Variants in AHCYL1 observed in about 807,000 individuals in gnomAD.
AHCYL1 encodes adenosylhomocysteinase like 1.
A neutral mutation model predicts 79.3 loss-of-function variants in AHCYL1; 20 were observed. That is an observed-to-expected ratio of 0.25 (90% CI 0.18 to 0.37). The LOEUF is 0.37. Among genes scored for constraint, AHCYL1 ranks in the 10% least tolerant of loss-of-function variants. The pLI is 1.00. For synonymous variants in AHCYL1, 223 were observed against 242.2 expected (o/e 0.92, Z 0.74); for missense variants, 330 against 673.6 (o/e 0.49, Z 5.65).
rs751525776 is a variant in AHCYL1, at chr1:110,011,361, A to G, written c.376+4A>G. Reference sequence around the variant, plus strand: ...GAGATTGAGATTGCAGAGCAAGGTAAAGAAAGGGAGTGGGTTAGGGGACCA... The same window carrying G: ...GAGATTGAGATTGCAGAGCAAGGTAGAGAAAGGGAGTGGGTTAGGGGACCA... On this transcript the variant is annotated splice_donor_region_variant and intron_variant, in intron 3 of 16. Coordinates refer to ENST00000369799, the MANE Select transcript of AHCYL1 (RefSeq NM_006621.7). 2.8e-5 allele frequency: 45 copies of G among 1,613,842 alleles called. No individual in the cohort carries two copies. The highest frequency in any genetic ancestry group is 3.6e-5 in the Non-Finnish European group (43 of 1,179,916).
intron 14 of AHCYL1, 49 bp from the exon 15 acceptor site, chr1:110,019,499 C>T: frequency 6.6e-7 from 1 of 1,508,628 alleles, no homozygotes; most frequent in South Asian, 1.2e-5. Flanking sequence ...TTTTATGTGC[C>T]TGTCTAAGAA....
Position 110,018,945 on chromosome 1 carries a change from C to T in AHCYL1, c.1318-106C>T, listed in dbSNP as rs1033065434. ...TCTGGAACTGTAATTCTTCCTCTTC[C>T]AACTGAGTCTAGAGGGGTGTAAAGT... is the stretch of plus-strand genomic sequence containing the variant. On this transcript the variant is annotated intron_variant, in intron 13 of 16. Transcript: ENST00000369799. 11 of 1,045,402 alleles carry T rather than the reference C, an allele frequency of 1.1e-5. No homozygotes were observed. The African/African-American group carries it at 1.6e-4, about 15-fold the overall frequency. 64.8% of individuals were successfully genotyped at this position (1,045,402 alleles called of 1,614,324 possible). A position where few individuals can be genotyped will look rare whatever the true frequency, so the allele number is the denominator to read the frequency against.
chr1:109,985,378 A>C, intron 1 of AHCYL1: 7 of 1,309,698 alleles, frequency 5.3e-6, no homozygotes, highest in Non-Finnish European at 6.8e-6. Context: ...CCTCGGCCCA[A>C]GTCCTCCGGG....
intron 1 of AHCYL1, among the ~76,000 whole-genome samples, chr1:110,008,255 C>T (rs944718521): frequency 4.6e-5 from 7 of 152,166 alleles, no homozygotes; most frequent in African/African-American, 1.2e-4. Context: ...CTCCTGACCT[C>T]GTGATCTACC....
At chr1:110,007,064 A>C (rs1650699943) in intron 1 of AHCYL1, among the ~76,000 whole-genome samples, 1 of 152,086 alleles carries the variant, frequency 6.6e-6, no homozygotes, top group South Asian at 2.1e-4. Flanking sequence ...GGAAATTATG[A>C]CTATTCGGTT....
rs536442460 is a variant in AHCYL1, at chr1:109,984,998, A to T, written c.-55A>T. The T allele has an allele frequency of 7.0e-7, 1 of 1,435,990 alleles. No individual in the cohort carries two copies. Among genetic ancestry groups the T allele is most frequent in the Non-Finnish European group, 9.2e-7 (1 of 1,091,110 alleles). 89.0% of individuals were successfully genotyped at this position (1,435,990 alleles called of 1,614,324 possible). On this transcript the variant is annotated 5_prime_UTR_variant, in exon 1 of 17. Coordinates refer to ENST00000369799, the MANE Select transcript of AHCYL1 (RefSeq NM_006621.7). Reference sequence around the variant, plus strand: ...CCGCGCGGGCAGGCGGGCGGGCGCCAGAGGGGGAAAGAGGCGGGGGCGGCG... The same window carrying T: ...CCGCGCGGGCAGGCGGGCGGGCGCCTGAGGGGGAAAGAGGCGGGGGCGGCG...
At chr1:110,004,323 G>A (rs1650513287) in intron 1 of AHCYL1, 8 of 985,436 alleles carry the variant, frequency 8.1e-6, no homozygotes, top group Non-Finnish European at 8.4e-6. Flanking sequence ...AAGGAGAGCC[G>A]GGAGCAGCCA....
rs1435017288 is a variant in AHCYL1, at chr1:110,011,207, G to T, written c.233-7G>T. On this transcript the variant is annotated splice_polypyrimidine_tract_variant and splice_region_variant and intron_variant, in intron 2 of 16. Transcript: ENST00000369799. ...TCTATCCTTGTTTTTTTCTTTCCTG[G>T]CTCTAGCTGCATCCTACACAGATAG... The T allele has an allele frequency of 8.1e-6, 13 of 1,609,750 alleles. No homozygotes were observed. The highest frequency in any genetic ancestry group is 3.4e-5 in the Admixed American group (2 of 58,678).
intron 1 of AHCYL1, among the ~76,000 whole-genome samples, chr1:110,002,598 G>T (rs915891334): frequency 3.9e-5 from 6 of 152,172 alleles, no homozygotes; most frequent in Non-Finnish European, 8.8e-5. Context: ...CAATATAATT[G>T]GTTCAGGCAA....
chr1:109,990,991 A>G (rs1207816917), intron 1 of AHCYL1, among the ~76,000 whole-genome samples: 1 of 152,118 alleles, frequency 6.6e-6, no homozygotes, highest in Non-Finnish European at 1.5e-5. Flanking sequence ...CTAATTATGT[A>G]TAACTGATTT....
chr1:110,014,961 C>T, intron 6 of AHCYL1, 104 bp downstream of exon 6: 1 of 1,075,922 alleles, frequency 9.3e-7, no homozygotes, highest in Non-Finnish European at 1.4e-6. Flanking sequence ...GTCTTATGCA[C>T]TGACTTTGTT....
intron 1 of AHCYL1, among the ~76,000 whole-genome samples, chr1:110,004,869 A>T (rs80338501): frequency 0.072 from 11,026 of 152,316 alleles, 1,161 homozygotes; most frequent in African/African-American, 0.23. Flanking sequence ...GAAAAAATAA[A>T]TTAACCAGAA....
At chr1:109,996,601 G>A (rs191126092) in intron 1 of AHCYL1, among the ~76,000 whole-genome samples, 3 of 152,324 alleles carry the variant, frequency 2.0e-5, no homozygotes, top group African/African-American at 7.2e-5. Context: ...TAACAAGGGG[G>A]ATACATTCTG....
intron 1 of AHCYL1, chr1:110,003,817 C>G (rs1030779375): frequency 8.9e-6 from 5 of 559,424 alleles, no homozygotes; most frequent in Non-Finnish European, 1.1e-5. Flanking sequence ...TTGGGAAGCC[C>G]TTTTCTGTCC....
intron 1 of AHCYL1, among the ~76,000 whole-genome samples, chr1:109,996,520 C>T (rs1221512679): frequency 6.6e-6 from 1 of 152,198 alleles, no homozygotes; most frequent in Non-Finnish European, 1.5e-5. Context: ...TGGTTCTTAA[C>T]CATTGGGGGT....
At position 110,011,203 on chromosome 1, in the gene AHCYL1, C is replaced by G. The variant is rs1420314941; in HGVS notation, c.233-11C>G. ...TTTTTCTATCCTTGTTTTTTTCTTT[C>G]CTGGCTCTAGCTGCATCCTACACAG... On this transcript the variant is annotated splice_polypyrimidine_tract_variant and intron_variant, in intron 2 of 16. Coordinates refer to ENST00000369799, the MANE Select transcript of AHCYL1 (RefSeq NM_006621.7). 6.2e-7 allele frequency: 1 copy of G among 1,606,904 alleles called. No individual in the cohort carries two copies. The highest frequency in any genetic ancestry group is 8.5e-7 in the Non-Finnish European group (1 of 1,177,890).
chr1:110,021,102 G>T (rs1651766071), intron 16 of AHCYL1, among the ~76,000 whole-genome samples: 1 of 152,200 alleles, frequency 6.6e-6, no homozygotes, highest in Admixed American at 6.5e-5. Flanking sequence ...TTAGCCGGGT[G>T]TGGTGGCGGG....
chr1:110,004,327 G>C, intron 1 of AHCYL1: 1 of 985,492 alleles, frequency 1.0e-6, no homozygotes. Context: ...AGAGCCGGGA[G>C]CAGCCAAAAC....
intron 6 of AHCYL1, among the ~76,000 whole-genome samples, 179 bp downstream of exon 6, chr1:110,015,036 A>G (rs1358861439): frequency 1.3e-5 from 2 of 152,216 alleles, no homozygotes; most frequent in African/African-American, 4.8e-5. Context: ...AGGTGGGGGA[A>G]GGGTAAGACT....
Sources: allele counts gnomAD v4.1 joint callset (sites outside exome capture counted in the v4.1 genomes callset), GRCh38; gene constraint gnomAD v4.1.1; transcripts MANE v1.5; gene names NCBI Gene and HGNC (gene_info 2026-07-23, HGNC 2026-07-21).